The following TRIT1 variants were observed in gnomAD, a reference collection of about 807,000 sequenced individuals.
TRIT1 encodes tRNA isopentenyltransferase 1, also known as tRNA dimethylallyltransferase.
A neutral mutation model predicts 51.2 loss-of-function variants in TRIT1; 43 were observed. The ratio of observed to expected loss-of-function variants is 0.84; its 90% CI spans 0.66 to 1.08. TRIT1 has a LOEUF of 1.08. Ranked by LOEUF, TRIT1 falls within the 50% of genes least tolerant of loss-of-function variation. The pLI is 0.00. For missense variants in TRIT1, 528 were observed against 578.4 expected (o/e 0.91, Z 0.89); for synonymous variants, 184 against 203.9 (o/e 0.90, Z 0.83).
At chr1:39,847,127 C>T (rs924001945) in intron 8 of TRIT1, 93 bp downstream of exon 8, 2 of 1,013,282 alleles carry the variant, frequency 2.0e-6, no homozygotes, top group Non-Finnish European at 3.0e-6. Flanking sequence ...TTAGAACAGG[C>T]CCAGAATCTA....
At chr1:39,857,517 A>G in intron 1 of TRIT1, 100 bp from the exon 2 acceptor site, 1 of 1,360,252 alleles carries the variant, frequency 7.4e-7, no homozygotes, top group Non-Finnish European at 1.0e-6. Flanking sequence ...CCTGCCAAAC[A>G]CTTCACTGAC....
chr1:39,856,122 T>C (rs980152186), intron 2 of TRIT1, among the ~76,000 whole-genome samples: 1 of 152,054 alleles, frequency 6.6e-6, no homozygotes, highest in Non-Finnish European at 1.5e-5. Context: ...CTGGCCAACA[T>C]GGTGAAACCC....
chr1:39,847,301 A>G lies in TRIT1; in HGVS notation c.929-4T>C, dbSNP rs556107670. On this transcript the variant is annotated splice_polypyrimidine_tract_variant and splice_region_variant and intron_variant, in intron 7 of 10. Transcript: ENST00000316891. ...ACTTGTTTCAGAGCCTCAATACCTGAAAGATACAGTAGATTTAAGAACATC... is the reference window on the plus strand; with the variant it reads ...ACTTGTTTCAGAGCCTCAATACCTGGAAGATACAGTAGATTTAAGAACATC... The G allele has an allele frequency of 2.3e-5, 37 of 1,613,376 alleles. No individual in the cohort carries two copies. Among genetic ancestry groups the G allele is most frequent in the Non-Finnish European group, 2.7e-5 (32 of 1,179,324 alleles).
chr1:39,850,924 G>A (rs1642524078), intron 4 of TRIT1, among the ~76,000 whole-genome samples: 1 of 152,196 alleles, frequency 6.6e-6, no homozygotes, highest in South Asian at 2.1e-4. Context: ...AAAGATCACT[G>A]AGAAAAGAAC....
At chr1:39,872,798 G>C (rs1570118966) in intron 1 of TRIT1, among the ~76,000 whole-genome samples, 1 of 113,936 alleles carries the variant, frequency 8.8e-6, no homozygotes, top group Non-Finnish European at 1.7e-5. Context: ...GAGAGAAAGA[G>C]AGAGAAAGGA....
At position 39,852,826 on chromosome 1, in the gene TRIT1, T is replaced by G. The variant is rs1251559346; in HGVS notation, c.465A>C (p.Glu155Asp). Reference sequence around the variant, plus strand: ...TGTGAAGTACAAGACCATCCTCCTTTTCAAGCTCCACTTTTCGGTCAATCA... The same window carrying G: ...TGTGAAGTACAAGACCATCCTCCTTGTCAAGCTCCACTTTTCGGTCAATCA... ...EKVIDRKVELEKEDGLVLHKR... is the reference protein window; with the variant it reads ...EKVIDRKVELDKEDGLVLHKR... Residue 155 changes from glutamate (E) to aspartate (D), a missense_variant, in exon 4 of 11, where the codon GAA (glutamate) becomes GAC (aspartate). Around this residue, in one of 3 missense-constraint regions of TRIT1, gnomAD observed 468 missense variants for 522.6 expected, o/e 0.90. Transcript: ENST00000316891. The G allele has an allele frequency of 6.2e-7, 1 of 1,614,204 alleles. No homozygotes were observed. The highest frequency in any genetic ancestry group is 8.5e-7 in the Non-Finnish European group (1 of 1,180,032).
chr1:39,880,771 C>G (rs545358972), intron 1 of TRIT1, among the ~76,000 whole-genome samples: 1 of 151,458 alleles, frequency 6.6e-6, no homozygotes, highest in Admixed American at 6.6e-5. Context: ...TGCACTCCAG[C>G]CTGGGCGACA....
At chr1:39,880,663 G>C (rs1433440214) in intron 1 of TRIT1, among the ~76,000 whole-genome samples, 2 of 152,078 alleles carry the variant, frequency 1.3e-5, no homozygotes, top group Non-Finnish European at 2.9e-5. Flanking sequence ...GCCGAGCATG[G>C]TGGCGGGCGT....
In TRIT1 at chr1:39,869,365, G is replaced by A. The variant is rs573465858; in HGVS notation, c.175-11948C>T. ...AGTGATCTGCTAGCCTCGGCCTCCC[G>A]AGGTGCCGGGATTGCAGACGGAGTC... On this transcript the variant is annotated intron_variant, in intron 1 of 10. Transcript: ENST00000316891. 9.1e-4 allele frequency among the ~76,000 whole-genome samples: 139 copies of A among 152,312 alleles called. 1 individual carries two copies. Among genetic ancestry groups the A allele is most frequent in the African/African-American group, 3.2e-3 (131 of 41,560 alleles).
chr1:39,863,164 G>T (rs549421957), intron 1 of TRIT1, among the ~76,000 whole-genome samples: 1 of 152,314 alleles, frequency 6.6e-6, no homozygotes, highest in East Asian at 1.9e-4. Flanking sequence ...GTTATGAAAA[G>T]AAGATTAAGA....
At chr1:39,849,258 G>C (rs1642419798) in intron 5 of TRIT1, among the ~76,000 whole-genome samples, 1 of 152,140 alleles carries the variant, frequency 6.6e-6, no homozygotes, top group African/African-American at 2.4e-5. Flanking sequence ...GGAGAATTGG[G>C]AAACAGAAAG....
intron 1 of TRIT1, among the ~76,000 whole-genome samples, chr1:39,858,815 A>G (rs1643049524): frequency 6.6e-6 from 1 of 152,254 alleles, no homozygotes; most frequent in Admixed American, 6.5e-5. Flanking sequence ...GCCTGACAGC[A>G]GACTCACATT....
At chr1:39,873,080 TCTC>T (rs757203998) in intron 1 of TRIT1, among the ~76,000 whole-genome samples, 8 of 152,192 alleles carry the variant, frequency 5.3e-5, no homozygotes, top group Non-Finnish European at 1.2e-4. Flanking sequence ...GAAGCTTAAT[TCTC>T]CTTCTATTCA....
chr1:39,847,987 T>C lies in TRIT1; in HGVS notation c.814A>G (p.Ser272Gly). The change falls in exon 6 of 11, where the codon AGC becomes GGC. Residue 272 changes from serine to glycine, a missense_variant and splice_region_variant. Physicochemically the swap from Ser to Gly is moderately conservative, Grantham distance 56. Coordinates refer to ENST00000316891, the MANE Select transcript of TRIT1 (RefSeq NM_017646.6). Reference protein sequence around the residue: ...RYNQKNVSENSQDYQHGIFQS... With the variant: ...RYNQKNVSENGQDYQHGIFQS... ...TCAGAATAACAGCCAAATCCTCACC[T>C]ATTTTCCGAAACATTCTTCTGATTA... 1.9e-6 allele frequency: 3 copies of C among 1,613,494 alleles called. No homozygotes were observed. Among genetic ancestry groups the C allele is most frequent in the Non-Finnish European group, 2.5e-6 (3 of 1,179,402 alleles).
At chr1:39,852,595 A>G (rs1184535372) in intron 4 of TRIT1, 136 bp downstream of exon 4, 7 of 1,106,928 alleles carry the variant, frequency 6.3e-6, no homozygotes, top group Non-Finnish European at 9.1e-6. Flanking sequence ...GGGCCTCCCA[A>G]CCTGCTGAGC....
intron 1 of TRIT1, among the ~76,000 whole-genome samples, chr1:39,864,266 A>G (rs1307970517): frequency 6.6e-6 from 1 of 152,000 alleles, no homozygotes; most frequent in Middle Eastern, 3.2e-3. Context: ...ATGCTGCTAC[A>G]CATCCAATGA....
intron 1 of TRIT1, chr1:39,876,127 C>T (rs1184083041): frequency 6.6e-6 from 1 of 152,094 alleles, no homozygotes; most frequent in Admixed American, 6.6e-5. Flanking sequence ...TCTGAGGAAT[C>T]CAAAACTACA....
intron 4 of TRIT1, among the ~76,000 whole-genome samples, chr1:39,852,087 TATGAG>T (rs1296330757): frequency 1.3e-5 from 2 of 152,042 alleles, no homozygotes; most frequent in African/African-American, 4.8e-5. Context: ...CCCCTATGAA[TATGAG>T]ATGTTACTTT....
chr1:39,865,750 T>TA (rs1348548698), intron 1 of TRIT1, among the ~76,000 whole-genome samples: 1 of 148,626 alleles, frequency 6.7e-6, no homozygotes, highest in Non-Finnish European at 1.5e-5. Context: ...CTCAGGAGGC[T>TA]AAGATGGGAG....
Sources: allele counts gnomAD v4.1 joint callset (sites outside exome capture counted in the v4.1 genomes callset), GRCh38; gene constraint gnomAD v4.1.1; regional missense constraint gnomAD v4.1.1; transcripts MANE v1.5; gene names NCBI Gene and HGNC (gene_info 2026-07-23, HGNC 2026-07-21).